The following TRPC7 variants were observed in gnomAD, a reference collection of about 807,000 sequenced individuals.
The protein encoded by TRPC7 is short transient receptor potential channel 7.
A neutral mutation model predicts 90.1 loss-of-function variants in TRPC7; 42 were observed. The ratio of observed to expected loss-of-function variants is 0.47; its 90% CI spans 0.36 to 0.60. TRPC7 has a LOEUF of 0.60. Ranked by LOEUF, TRPC7 falls within the 20% of genes least tolerant of loss-of-function variation. The pLI, the probability that TRPC7 is intolerant of heterozygous loss-of-function variation, is 0.00. For missense variants in TRPC7, 955 were observed against 1,112.3 expected (o/e 0.86, Z 2.01); for synonymous variants, 451 against 436.3 (o/e 1.03, Z -0.42).
chr5:136,315,267 G>T (rs1307942132), intron 3 of TRPC7, among the ~76,000 whole-genome samples: 10 of 152,198 alleles, frequency 6.6e-5, no homozygotes, highest in Admixed American at 6.5e-4. Flanking sequence ...GAACTGTGTT[G>T]CTAACTGATA....
intron 2 of TRPC7, among the ~76,000 whole-genome samples, chr5:136,335,516 T>C (rs539841267): frequency 6.6e-5 from 10 of 152,122 alleles, no homozygotes; most frequent in South Asian, 2.1e-4. Context: ...TAAGTCCTTA[T>C]CATTTAGTGT....
chr5:136,360,307 A>G (rs921610262), intron 1 of TRPC7, among the ~76,000 whole-genome samples: 1 of 152,170 alleles, frequency 6.6e-6, no homozygotes, highest in Non-Finnish European at 1.5e-5. Flanking sequence ...AAAACAAAAC[A>G]AAACATAAAA....
intron 4 of TRPC7, among the ~76,000 whole-genome samples, chr5:136,269,843 G>C (rs186387313): frequency 1.3e-5 from 2 of 152,312 alleles, no homozygotes; most frequent in African/African-American, 2.4e-5. Context: ...GGGTGGGATA[G>C]TGGTGGTGTT....
At chr5:136,232,416 A>G (rs1028719933) in intron 7 of TRPC7, among the ~76,000 whole-genome samples, 5 of 152,210 alleles carry the variant, frequency 3.3e-5, no homozygotes, top group Non-Finnish European at 7.3e-5. Context: ...ACCTCCTGTT[A>G]CAGAGCTGAG....
At chr5:136,223,943 A>G (rs1755544876) in intron 10 of TRPC7, among the ~76,000 whole-genome samples, 1 of 152,204 alleles carries the variant, frequency 6.6e-6, no homozygotes, top group African/African-American at 2.4e-5. Context: ...AGATTTGCCC[A>G]TTGCTAATTT....
intron 7 of TRPC7, among the ~76,000 whole-genome samples, chr5:136,236,625 G>A (rs886483582): frequency 2.6e-5 from 4 of 152,138 alleles, no homozygotes; most frequent in African/African-American, 9.7e-5. Context: ...GAAGGTTGGG[G>A]CTGATTTGTC....
chr5:136,235,932 C>T (rs113966733), intron 7 of TRPC7, among the ~76,000 whole-genome samples: 14 of 152,140 alleles, frequency 9.2e-5, no homozygotes, highest in African/African-American at 3.4e-4. Context: ...TCAGCAACAC[C>T]TTGTAGTGGC....
intron 7 of TRPC7, among the ~76,000 whole-genome samples, chr5:136,244,460 G>A (rs544669515): frequency 6.6e-6 from 1 of 152,334 alleles, no homozygotes; most frequent in South Asian, 2.1e-4. Flanking sequence ...GTAGGAACAG[G>A]ATAGAAGTGC....
rs78508722 is a variant in TRPC7, at chr5:136,295,486, G to A, written c.963+20111C>T. Reference sequence around the variant, plus strand: ...CTTGGGAATTCTGGCTGCCTGCTAGGCAGGGTGAGCTTGGCTTAGCCCCAA... The same window carrying A: ...CTTGGGAATTCTGGCTGCCTGCTAGACAGGGTGAGCTTGGCTTAGCCCCAA... On this transcript the variant is annotated intron_variant, in intron 3 of 11. Transcript: ENST00000513104. Among the ~76,000 whole-genome samples, 844 of 152,190 alleles carry A rather than the reference G, an allele frequency of 5.5e-3. 4 individuals carry two copies. Among genetic ancestry groups the A allele is most frequent in the Admixed American group, 9.0e-3 (137 of 15,288 alleles).
chr5:136,321,433 G>A (rs923408120), intron 2 of TRPC7, among the ~76,000 whole-genome samples: 1 of 152,138 alleles, frequency 6.6e-6, no homozygotes, highest in African/African-American at 2.4e-5. Context: ...AAATTGATAA[G>A]TGGAGAAAGC....
chr5:136,217,708 T>C (rs946842431), intron 10 of TRPC7, among the ~76,000 whole-genome samples: 3 of 152,178 alleles, frequency 2.0e-5, no homozygotes, highest in East Asian at 1.9e-4. Flanking sequence ...GTAAGTTATC[T>C]AAGTTATAAA....
At chr5:136,233,108 G>A (rs1395875432) in intron 7 of TRPC7, among the ~76,000 whole-genome samples, 1 of 152,142 alleles carries the variant, frequency 6.6e-6, no homozygotes, top group Non-Finnish European at 1.5e-5. Flanking sequence ...GCATGTGTGT[G>A]TGTCTACCCA....
At chr5:136,245,833 G>A (rs1170878320) in intron 7 of TRPC7, among the ~76,000 whole-genome samples, 1 of 152,202 alleles carries the variant, frequency 6.6e-6, no homozygotes, top group Non-Finnish European at 1.5e-5. Context: ...TGTGAATAAG[G>A]TGGGAAACCT....
At chr5:136,286,085 T>C (rs1162290813) in intron 3 of TRPC7, among the ~76,000 whole-genome samples, 1 of 152,262 alleles carries the variant, frequency 6.6e-6, no homozygotes, top group Admixed American at 6.5e-5. Context: ...CAGTGTCCAG[T>C]ACATAGTATA....
At chr5:136,216,645 C>T (rs561663569) in intron 10 of TRPC7, among the ~76,000 whole-genome samples, 1 of 152,332 alleles carries the variant, frequency 6.6e-6, no homozygotes, top group Admixed American at 6.5e-5. Context: ...CTTTCCTGGA[C>T]CTCAGTTCTG....
intron 2 of TRPC7, among the ~76,000 whole-genome samples, chr5:136,326,304 C>G (rs4976369): frequency 0.69 from 104,461 of 152,110 alleles, 36,178 homozygotes; most frequent in African/African-American, 0.77. Context: ...CCCTCCACCA[C>G]TAACAGTATG....
At chr5:136,322,221 G>T (rs1357099869) in intron 2 of TRPC7, among the ~76,000 whole-genome samples, 1 of 152,056 alleles carries the variant, frequency 6.6e-6, no homozygotes, top group Non-Finnish European at 1.5e-5. Context: ...CACCATGTTG[G>T]TCAGGCTGGT....
chr5:136,298,920 A>T (rs1677910908), intron 3 of TRPC7, among the ~76,000 whole-genome samples: 1 of 151,972 alleles, frequency 6.6e-6, no homozygotes, highest in South Asian at 2.1e-4. Flanking sequence ...TTAGACTATG[A>T]GCTTCTTGAG....
intron 10 of TRPC7, among the ~76,000 whole-genome samples, chr5:136,217,873 TG>T (rs1755321230): frequency 1.3e-5 from 2 of 151,354 alleles, no homozygotes; most frequent in African/African-American, 2.4e-5. Context: ...AAAAATTAGC[TG>T]GGCATGGTGG....
Sources: allele counts gnomAD v4.1 joint callset (sites outside exome capture counted in the v4.1 genomes callset), GRCh38; gene constraint gnomAD v4.1.1; transcripts MANE v1.5; gene names NCBI Gene and HGNC (gene_info 2026-07-23, HGNC 2026-07-21).